Variants in DAB1 observed in about 807,000 individuals in gnomAD.
The protein encoded by DAB1 is DAB adaptor protein 1, also known as disabled homolog 1.
In DAB1, 15 loss-of-function variants were observed where a neutral mutation model predicts 64.6. The ratio of observed to expected loss-of-function variants is 0.23; its 90% CI spans 0.16 to 0.36. DAB1 has a LOEUF of 0.36. Ranked by LOEUF, DAB1 falls within the 10% of genes least tolerant of loss-of-function variation. The pLI is 1.00. For missense variants in DAB1, 596 were observed against 706.7 expected (o/e 0.84, Z 1.78); for synonymous variants, 235 against 251.9 (o/e 0.93, Z 0.64).
intron 7 of DAB1, among the ~76,000 whole-genome samples, chr1:57,439,418 G>GTTTTTTGTTTTTTTTTTTTTTTT: frequency 8.6e-6 from 1 of 116,140 alleles, no homozygotes; most frequent in African/African-American, 3.5e-5. Flanking sequence ...TGGTGATGAG[G>GTTTTTTGTTTTTTTTTTTTTTTT]TTTTTTCTTT....
At chr1:57,338,215 G>A (rs1387846084) in intron 1 of DAB1, among the ~76,000 whole-genome samples, 1 of 151,994 alleles carries the variant, frequency 6.6e-6, no homozygotes, top group Non-Finnish European at 1.5e-5. Context: ...GAACTCCTGG[G>A]CTCAAGAGAT....
intron 1 of DAB1, among the ~76,000 whole-genome samples, chr1:57,879,252 G>C (rs905518877): frequency 2.0e-5 from 3 of 152,072 alleles, no homozygotes; most frequent in African/African-American, 4.8e-5. Flanking sequence ...ATGGAATATG[G>C]GTGGAAGGGC....
intron 4 of DAB1, among the ~76,000 whole-genome samples, chr1:58,158,175 C>T (rs937050688): frequency 6.6e-6 from 1 of 152,064 alleles, no homozygotes; most frequent in African/African-American, 2.4e-5. Flanking sequence ...TACAAATTAC[C>T]TTATGCACTG....
chr1:57,189,845 GAAA>G (rs34251961), intron 2 of DAB1, among the ~76,000 whole-genome samples: 1 of 136,696 alleles, frequency 7.3e-6, no homozygotes, highest in Non-Finnish European at 1.6e-5. Flanking sequence ...AAGGGAAGGG[GAAA>G]AAAAAAAAAA....
chr1:57,499,100 T>C (rs1233467042), intron 7 of DAB1, among the ~76,000 whole-genome samples: 1 of 152,104 alleles, frequency 6.6e-6, no homozygotes, highest in Non-Finnish European at 1.5e-5. Flanking sequence ...CTCAACCTCC[T>C]GAGTAGCTGG....
chr1:57,057,801 G>T (rs1278516829), intron 9 of DAB1, among the ~76,000 whole-genome samples: 1 of 151,724 alleles, frequency 6.6e-6, no homozygotes, highest in South Asian at 2.1e-4. Flanking sequence ...GTAGAGACGG[G>T]GTTTCACTGT....
intron 5 of DAB1, among the ~76,000 whole-genome samples, chr1:58,014,596 C>A (rs1400039602): frequency 6.6e-6 from 1 of 152,238 alleles, no homozygotes; most frequent in Non-Finnish European, 1.5e-5. Context: ...GCAGTCATAT[C>A]TTGCCCCCAT....
intron 6 of DAB1, among the ~76,000 whole-genome samples, chr1:57,809,587 AC>A (rs1651520823): frequency 6.6e-6 from 1 of 152,212 alleles, no homozygotes. Flanking sequence ...AATCCGAGAA[AC>A]CTGTCATTTA....
intron 5 of DAB1, among the ~76,000 whole-genome samples, chr1:57,981,715 C>T (rs1646069941): frequency 1.3e-5 from 2 of 152,278 alleles, no homozygotes; most frequent in Non-Finnish European, 2.9e-5. Context: ...TCATAATTGT[C>T]CTCCATCTCT....
intron 5 of DAB1, among the ~76,000 whole-genome samples, chr1:58,030,843 T>C (rs1201343201): frequency 6.6e-6 from 1 of 152,340 alleles, no homozygotes; most frequent in South Asian, 2.1e-4. Flanking sequence ...TATGAACCAC[T>C]TACTATACAT....
chr1:58,222,038 T>C (rs1323027285), intron 4 of DAB1, among the ~76,000 whole-genome samples: 4 of 152,170 alleles, frequency 2.6e-5, no homozygotes, highest in Non-Finnish European at 4.4e-5. Flanking sequence ...TCCATTAGAA[T>C]ATGCTTTAGG....
chr1:58,064,937 C>G (rs936139699), intron 5 of DAB1, among the ~76,000 whole-genome samples: 8 of 152,014 alleles, frequency 5.3e-5, no homozygotes, highest in Admixed American at 3.3e-4. Context: ...GTCTCAATCT[C>G]CTGACCTCGT....
chr1:57,171,126 G>T (rs963529178), intron 2 of DAB1, among the ~76,000 whole-genome samples: 1 of 152,162 alleles, frequency 6.6e-6, no homozygotes, highest in Non-Finnish European at 1.5e-5. Flanking sequence ...TTACAATAAA[G>T]CTGCTGACAG....
intron 4 of DAB1, among the ~76,000 whole-genome samples, chr1:58,177,935 C>A (rs187754852): frequency 1.4e-4 from 22 of 152,322 alleles, no homozygotes; most frequent in Admixed American, 5.9e-4. Flanking sequence ...AAGAGTGATT[C>A]TCTGAGCCTC....
chr1:57,955,143 C>A (rs910661646), intron 5 of DAB1, among the ~76,000 whole-genome samples: 1 of 152,102 alleles, frequency 6.6e-6, no homozygotes, highest in African/African-American at 2.4e-5. Context: ...AATATACAGT[C>A]TGTTCTATTT....
At position 58,315,143 on chromosome 1, in the gene DAB1, G is replaced by A. The variant is rs12029899; in HGVS notation, n.309+28209C>T. On this transcript the variant is annotated intron_variant and non_coding_transcript_variant, in intron 4 of 20. Transcript: ENST00000485760. ...GAAATTCTTACAGCAATTTTACATC[G>A]CTCTATTTCCCAGCCTGTGACCAGT... Among the ~76,000 whole-genome samples, 277 of 152,228 alleles carry A rather than the reference G, an allele frequency of 1.8e-3. 2 individuals carry two copies. The East Asian group carries it at 0.028, about 15-fold the overall frequency.
intron 4 of DAB1, among the ~76,000 whole-genome samples, chr1:58,336,439 T>A (rs1402764230): frequency 6.6e-6 from 1 of 152,318 alleles, no homozygotes; most frequent in African/African-American, 2.4e-5. Flanking sequence ...ATCTTTACAA[T>A]AGTAATAATA....
chr1:58,402,397 G>A (rs938375475), intron 3 of DAB1, among the ~76,000 whole-genome samples: 1 of 152,160 alleles, frequency 6.6e-6, no homozygotes, highest in African/African-American at 2.4e-5. Flanking sequence ...AATGAAGATG[G>A]AAGGATTTGT....
At chr1:57,091,467 TAAAATGAAG>T (rs1429215006) in intron 4 of DAB1, among the ~76,000 whole-genome samples, 2 of 152,190 alleles carry the variant, frequency 1.3e-5, no homozygotes, top group African/African-American at 4.8e-5. Flanking sequence ...ATCCTTATAA[TAAAATGAAG>T]AAGGTATTTA....
Sources: gnomAD v4.1 joint callset for allele counts (sites outside exome capture counted in the v4.1 genomes callset) on GRCh38, gnomAD v4.1.1 for gene constraint, MANE v1.5 for transcripts, NCBI Gene and HGNC (gene_info 2026-07-23, HGNC 2026-07-21) for gene names.